Variants in PSMC6 observed in about 807,000 individuals in gnomAD.
The protein encoded by PSMC6 is proteasome 26S subunit, ATPase 6, also known as 26S proteasome regulatory subunit 10B.
A neutral mutation model predicts 55.9 loss-of-function variants in PSMC6; 3 were observed. The ratio of observed to expected loss-of-function variants is 0.05; its 90% confidence interval spans 0.02 to 0.14. The LOEUF is 0.14. Ranked by LOEUF, PSMC6 falls within the 10% of genes least tolerant of loss-of-function variation. PSMC6 has a pLI of 1.00. For missense variants in PSMC6, 210 were observed against 478.7 expected, an observed-to-expected ratio of 0.44 and a Z score of 5.24; for synonymous variants, 137 against 155.9, an observed-to-expected ratio of 0.88 and a Z score of 0.90.
chr14:52,709,490 T>G (rs1216463106), intron 4 of PSMC6: 1 of 403,310 alleles, frequency 2.5e-6, no homozygotes, highest in East Asian at 8.3e-5. Context: ...CTATTAGGAT[T>G]TTGCCTAGTA....
At chr14:52,723,738 T>G in intron 12 of PSMC6, 9 of 1,007,756 alleles carry the variant, frequency 8.9e-6, no homozygotes, top group Non-Finnish European at 1.2e-5. Flanking sequence ...GAGATTTTGG[T>G]GATATTTCCT....
chr14:52,710,805 T>A, intron 4 of PSMC6: 1 of 371,262 alleles, frequency 2.7e-6, no homozygotes, highest in Non-Finnish European at 4.9e-6. Context: ...TTTCTATAAA[T>A]GCTTTGGTAG....
intron 5 of PSMC6, 67 bp from the exon 6 acceptor site, chr14:52,711,343 A>T: frequency 7.3e-7 from 1 of 1,377,620 alleles, no homozygotes. Flanking sequence ...CAAGTTATTT[A>T]TATGCTATCT....
intron 1 of PSMC6, chr14:52,707,622 C>A: frequency 3.6e-6 from 1 of 274,530 alleles, no homozygotes; most frequent in Non-Finnish European, 7.1e-6. Context: ...TGGTGGAGTC[C>A]CGGGACTTGG....
intron 4 of PSMC6, 123 bp from the exon 5 acceptor site, chr14:52,710,978 T>A: frequency 1.2e-6 from 1 of 855,476 alleles, no homozygotes; most frequent in Non-Finnish European, 1.9e-6. Context: ...GAGTTTATAA[T>A]CTGATATTTG....
At chr14:52,710,994 T>C in intron 4 of PSMC6, 107 bp from the exon 5 acceptor site, 7 of 949,134 alleles carry the variant, frequency 7.4e-6, no homozygotes, top group Non-Finnish European at 1.0e-5. Context: ...ATTTGTGTTC[T>C]CTCTGGAGGG....
intron 12 of PSMC6, 169 bp downstream of exon 12, chr14:52,721,359 G>A: frequency 1.8e-6 from 1 of 564,072 alleles, no homozygotes; most frequent in South Asian, 3.1e-5. Context: ...ACCATTGTAA[G>A]TGTTTTGTAA....
intron 5 of PSMC6, 24 bp downstream of exon 5, chr14:52,711,192 T>C: frequency 6.3e-7 from 1 of 1,590,528 alleles, no homozygotes; most frequent in Non-Finnish European, 8.6e-7. Context: ...TCTATTTAGT[T>C]CACCTTTTAT....
rs1566663767 is a variant in PSMC6 at position 52,728,393 on chromosome 14, T to TA, written c.*777dup. 1 of 152,230 alleles carries TA rather than the reference T, an allele frequency of 6.6e-6. No homozygotes were observed. Among genetic ancestry groups the TA allele is most frequent in the Non-Finnish European group, 1.5e-5 (1 of 68,054 alleles). 9.4% of individuals were successfully genotyped at this position (152,230 alleles called of 1,614,324 possible). A position where few individuals can be genotyped will look rare whatever the true frequency, so the allele number is the denominator to read the frequency against. ...CCCTCTTCCAGGAAAAATTCTAACATACAATTTTGCGTATACTATAATTTC... is the reference window on the plus strand; with the variant it reads ...CCCTCTTCCAGGAAAAATTCTAACATAACAATTTTGCGTATACTATAATTTC... On this transcript the variant is annotated 3_prime_UTR_variant, in exon 14 of 14. Transcript: ENST00000445930.
Position 52,721,195 on chromosome 14 carries a change from G to C in PSMC6, c.979+5G>C, listed in dbSNP as rs773256806. On this transcript the variant is annotated splice_donor_5th_base_variant and intron_variant, in intron 12 of 13. Coordinates refer to ENST00000445930, the MANE Select transcript of PSMC6 (RefSeq NM_002806.5). ...TTACAAAGCATGGTGAAATAGGTAA[G>C]GAAGTCATCTATTTTATATGTATTT... 6.5e-7 allele frequency: 1 copy of C among 1,549,220 alleles called. No individual in the cohort carries two copies. Among genetic ancestry groups the C allele is most frequent in the Non-Finnish European group, 8.7e-7 (1 of 1,143,764 alleles).
Position 52,723,886 on chromosome 14 carries a change from A to G in PSMC6, c.980-79A>G, listed in dbSNP as rs901648117. ...TGATCAAACTCAAAGTAAGCTCTTC[A>G]GTTTAAATTTTCGATGTGGGCATAA... is the stretch of plus-strand genomic sequence containing the variant. On this transcript the variant is annotated intron_variant, in intron 12 of 13. Transcript: ENST00000445930. 13 of 1,570,694 alleles carry G rather than the reference A, an allele frequency of 8.3e-6. No individual in the cohort carries two copies. The Admixed American group carries it at 1.9e-4, about 23-fold the overall frequency.
rs1156852181 is a variant in PSMC6, at chr14:52,711,188, T to C, written c.326+20T>C. 5.0e-6 allele frequency: 8 copies of C among 1,594,960 alleles called. No homozygotes were observed. The highest frequency in any genetic ancestry group is 1.7e-5 in the Admixed American group (1 of 59,520). ...CATGAGGTGGGTTTCTTATTCTATT[T>C]AGTTCACCTTTTATTTTCACAAAGG... On this transcript the variant is annotated intron_variant, in intron 5 of 13. Transcript: ENST00000445930.
At chr14:52,714,050 T>C in intron 7 of PSMC6, 82 bp downstream of exon 7, 1 of 1,005,702 alleles carries the variant, frequency 9.9e-7, no homozygotes, top group Non-Finnish European at 1.4e-6. Context: ...TTTTTATTTT[T>C]ATTTTTTTGA....
intron 4 of PSMC6, 194 bp from the exon 5 acceptor site, chr14:52,710,907 T>C: frequency 1.7e-6 from 1 of 600,198 alleles, no homozygotes; most frequent in East Asian, 3.1e-5. Flanking sequence ...GGGGCATGCT[T>C]TTAAGGAGCA....
chr14:52,713,153 C>G (rs1025036172), intron 6 of PSMC6, among the ~76,000 whole-genome samples: 2 of 152,042 alleles, frequency 1.3e-5, no homozygotes, highest in Non-Finnish European at 2.9e-5. Flanking sequence ...TCTCTTGTAC[C>G]CGGGAGGCAG....
chr14:52,719,958 C>T (rs1373953913), intron 10 of PSMC6, among the ~76,000 whole-genome samples: 1 of 152,096 alleles, frequency 6.6e-6, no homozygotes, highest in Non-Finnish European at 1.5e-5. Flanking sequence ...GGCATGGTGG[C>T]TTCTGCCTGT....
chr14:52,708,675 C>G, intron 3 of PSMC6, 89 bp from the exon 4 acceptor site: 3 of 1,576,996 alleles, frequency 1.9e-6, no homozygotes, highest in Non-Finnish European at 2.6e-6. Context: ...CCTTGGAGGA[C>G]AGAAATACAA....
At chr14:52,721,005 T>A in intron 11 of PSMC6, 24 bp downstream of exon 11, 1 of 1,607,268 alleles carries the variant, frequency 6.2e-7, no homozygotes, top group Non-Finnish European at 8.5e-7. Flanking sequence ...CTTTACCTAC[T>A]GTCCATTTCC....
At chr14:52,718,898 C>T (rs1353939040) in intron 9 of PSMC6, 79 bp from the exon 10 acceptor site, 19 of 1,068,544 alleles carry the variant, frequency 1.8e-5, no homozygotes, top group Non-Finnish European at 2.7e-5. Context: ...AAGCCACAGA[C>T]TGTTATGTTC....
Sources: gnomAD v4.1 joint callset for allele counts (sites outside exome capture counted in the v4.1 genomes callset) on GRCh38, gnomAD v4.1.1 for gene constraint, MANE v1.5 for transcripts, NCBI Gene and HGNC (gene_info 2026-07-23, HGNC 2026-07-21) for gene names.